Variants in REXO5 observed in about 807,000 individuals in gnomAD.
REXO5 encodes the protein RNA exonuclease 5.
A neutral mutation model predicts 88.5 loss-of-function variants in REXO5; 48 were observed. The ratio of observed to expected loss-of-function variants is 0.54; its 90% CI spans 0.43 to 0.69. REXO5 has a LOEUF of 0.69. REXO5 is among the 30% of genes least tolerant of loss of function. The pLI, the probability that REXO5 is intolerant of heterozygous loss-of-function variation, is 0.00. For synonymous variants in REXO5, 311 were observed against 336.5 expected (o/e 0.92, Z 0.83); for missense variants, 749 against 912.2 (o/e 0.82, Z 2.30).
chr16:20,837,975 AG>A (rs1460790014), intron 13 of REXO5, among the ~76,000 whole-genome samples: 1 of 152,106 alleles, frequency 6.6e-6, no homozygotes, highest in African/African-American at 2.4e-5. Context: ...TATGTTGCCC[AG>A]GCTCGTCTCA....
intron 13 of REXO5, among the ~76,000 whole-genome samples, chr16:20,837,934 T>C (rs1177551905): frequency 6.6e-6 from 1 of 152,030 alleles, no homozygotes; most frequent in Non-Finnish European, 1.5e-5. Context: ...CCTGGCTAAT[T>C]TTTAAATTTT....
intron 14 of REXO5, 114 bp from the exon 15 acceptor site, chr16:20,840,217 T>C: frequency 1.1e-6 from 1 of 880,630 alleles, no homozygotes; most frequent in Non-Finnish European, 1.6e-6. Context: ...CTTGGACATT[T>C]GGCAAGTATT....
intron 7 of REXO5, 64 bp from the exon 8 acceptor site, chr16:20,825,769 T>C (rs1202307113): frequency 8.6e-7 from 1 of 1,165,500 alleles, no homozygotes; most frequent in Non-Finnish European, 1.3e-6. Flanking sequence ...TGACATAGTG[T>C]AAATAGTAAG....
intron 6 of REXO5, among the ~76,000 whole-genome samples, chr16:20,824,230 C>T (rs557812996): frequency 3.3e-5 from 5 of 152,222 alleles, no homozygotes; most frequent in African/African-American, 1.2e-4. Flanking sequence ...AACAGCAAGC[C>T]TACATTATTC....
intron 15 of REXO5, 90 bp from the exon 16 acceptor site, chr16:20,843,844 T>C (rs1156889428): frequency 2.4e-6 from 2 of 838,574 alleles, no homozygotes; most frequent in African/African-American, 1.7e-5. Flanking sequence ...CTGGTGGCTT[T>C]GGCCACTGTA....
At position 20,835,991 on chromosome 16, in the gene REXO5, G is replaced by A. The variant is rs76105477; in HGVS notation, c.1383+2868G>A. 1.8e-3 allele frequency among the ~76,000 whole-genome samples: 276 copies of A among 152,142 alleles called. 8 individuals carry two copies. In the East Asian group the frequency reaches 0.044, roughly 24 times the overall value. On this transcript the variant is annotated intron_variant, in intron 13 of 19. Coordinates refer to ENST00000261377, the MANE Select transcript of REXO5 (RefSeq NM_030941.3). ...GGAGGTGGAGGTTGCAGTGACTGAC[G>A]TATGATCGCACTACTGCACTCCAGC...
intron 18 of REXO5, 130 bp downstream of exon 18, chr16:20,845,371 T>G: frequency 1.5e-6 from 1 of 666,394 alleles, no homozygotes; most frequent in East Asian, 3.2e-5. Flanking sequence ...CCTCCAGTCC[T>G]GGCCACATCT....
chr16:20,809,478 A>C (rs1405905643), intron 2 of REXO5, among the ~76,000 whole-genome samples: 1 of 152,224 alleles, frequency 6.6e-6, no homozygotes, highest in Non-Finnish European at 1.5e-5. Context: ...CTTGATATTC[A>C]TGACTTTACT....
rs759242145 is a variant in REXO5, at chr16:20,843,964, G to A, written c.1657G>A (p.Glu553Lys). The A allele has an allele frequency of 1.7e-5, 27 of 1,608,046 alleles. No homozygotes were observed. Among genetic ancestry groups the A allele is most frequent in the African/African-American group, 2.7e-5 (2 of 74,794 alleles). ...PHLCIQYEVL[E>K]AAQLAIESLD... ...TCTCTGTATACAGTATGAAGTCCTAGAAGCTGCCCAGCTGGCCATAGAATC... is the reference window on the plus strand; with the variant it reads ...TCTCTGTATACAGTATGAAGTCCTAAAAGCTGCCCAGCTGGCCATAGAATC... The change falls in exon 16 of 20, where the codon GAA (glutamate) becomes AAA (lysine). Residue 553 changes from glutamate (E) to lysine (K), a missense_variant. Glu to Lys is a moderately conservative substitution (Grantham distance 56). Transcript: ENST00000261377.
chr16:20,816,634 C>G (rs2081085437), intron 5 of REXO5, among the ~76,000 whole-genome samples: 1 of 152,144 alleles, frequency 6.6e-6, no homozygotes, highest in Admixed American at 6.5e-5. Context: ...AGCCACCATA[C>G]CTGGGCCACA....
At chr16:20,811,165 C>A (rs1041189290) in intron 2 of REXO5, among the ~76,000 whole-genome samples, 1 of 152,176 alleles carries the variant, frequency 6.6e-6, no homozygotes, top group Non-Finnish European at 1.5e-5. Context: ...CTACAGGACA[C>A]CTTCCTCACC....
chr16:20,833,180 C>A, intron 13 of REXO5, 57 bp downstream of exon 13: 1 of 1,535,234 alleles, frequency 6.5e-7, no homozygotes, highest in East Asian at 2.3e-5. Flanking sequence ...GAATGTAGCC[C>A]TTTGCACCCA....
In REXO5 at chr16:20,814,829, A is replaced by G. The variant is rs570851990; in HGVS notation, c.252-98A>G. The G allele has an allele frequency of 1.6e-5, 20 of 1,231,678 alleles. No homozygotes were observed. In the South Asian group the frequency reaches 2.2e-4, roughly 14 times the overall value. 76.3% of individuals were successfully genotyped at this position (1,231,678 alleles called of 1,614,324 possible). Reference sequence around the variant, plus strand: ...TGATAAATTCTATTAACTCTCACTCACTGCTTTTCCTGCGCCTTCTCCCCT... The same window carrying G: ...TGATAAATTCTATTAACTCTCACTCGCTGCTTTTCCTGCGCCTTCTCCCCT... On this transcript the variant is annotated intron_variant, in intron 3 of 19. Transcript: ENST00000261377.
At chr16:20,830,568 A>G (rs990567340) in intron 11 of REXO5, among the ~76,000 whole-genome samples, 15 of 152,158 alleles carry the variant, frequency 9.9e-5, no homozygotes, top group South Asian at 6.2e-4. Context: ...CCAAAGCACT[A>G]TCTCCCCAAA....
chr16:20,846,130 A>G (rs1476296257), intron 18 of REXO5, 91 bp from the exon 19 acceptor site: 2 of 987,498 alleles, frequency 2.0e-6, no homozygotes, highest in African/African-American at 3.2e-5. Context: ...GGAATCCCAT[A>G]GCCTTAGAGG....
Position 20,827,411 on chromosome 16 carries a change from G to C in REXO5, c.1019G>C (p.Arg340Thr). The change falls in exon 10 of 20, where the codon AGA becomes ACA. Residue 340 changes from arginine (R) to threonine (T), a missense_variant. Transcript: ENST00000261377. Reference sequence around the variant, plus strand: ...CTTTATGTCAGAGAGCAGGGCAGAAGATTTAAGCTCAAGTTCTTAGCCAAA... The same window carrying C: ...CTTTATGTCAGAGAGCAGGGCAGAACATTTAAGCTCAAGTTCTTAGCCAAA... The part of the protein sequence containing the change: ...SLLYVREQGR[R>T]FKLKFLAKVI... 6.2e-7 allele frequency: 1 copy of C among 1,613,910 alleles called. No individual in the cohort carries two copies. Among genetic ancestry groups the C allele is most frequent in the South Asian group, 1.1e-5 (1 of 91,040 alleles).
chr16:20,845,009 C>G (rs1217522479), intron 17 of REXO5, 45 bp from the exon 18 acceptor site: 1 of 1,594,308 alleles, frequency 6.3e-7, no homozygotes, highest in Non-Finnish European at 8.6e-7. Flanking sequence ...TGGTGATCAG[C>G]TTTCTTGGCC....
intron 11 of REXO5, among the ~76,000 whole-genome samples, chr16:20,830,758 G>A (rs2081329283): frequency 6.6e-6 from 1 of 152,060 alleles, no homozygotes; most frequent in Non-Finnish European, 1.5e-5. Flanking sequence ...AGGCATCTCT[G>A]GTTCCAGCTG....
chr16:20,848,318 T>G (rs559544812), intron 19 of REXO5, among the ~76,000 whole-genome samples: 7 of 152,320 alleles, frequency 4.6e-5, no homozygotes, highest in African/African-American at 1.7e-4. Context: ...AATCCTTACA[T>G]TTTTGGTAGC....
Sources: allele counts gnomAD v4.1 joint callset (sites outside exome capture counted in the v4.1 genomes callset), GRCh38; gene constraint gnomAD v4.1.1; transcripts MANE v1.5; gene names NCBI Gene and HGNC (gene_info 2026-07-23, HGNC 2026-07-21).